The following CORO2B variants were observed in gnomAD, a reference collection of about 807,000 sequenced individuals.
CORO2B encodes coronin 2B.
Under a neutral mutation model 58.8 loss-of-function variants are expected in CORO2B, and 26 were observed. The ratio of observed to expected loss-of-function variants is 0.44; its 90% CI spans 0.32 to 0.61. CORO2B has a LOEUF of 0.61. Ranked by LOEUF, CORO2B falls within the 20% of genes least tolerant of loss-of-function variation. CORO2B has a pLI of 0.04. For missense variants in CORO2B, 460 were observed against 645.1 expected (o/e 0.71, Z 3.11); for synonymous variants, 242 against 253.8 (o/e 0.95, Z 0.44).
At chr15:68,569,615 C>T in the CORO2B span, among the ~76,000 whole-genome samples, 2 of 152,290 alleles carry the variant, frequency 1.3e-5, no homozygotes, top group East Asian at 1.9e-4. Context: ...TGCTGGTTTT[C>T]GTGTGGACAT....
the CORO2B span, among the ~76,000 whole-genome samples, chr15:68,536,733 A>C: frequency 0.95 from 144,317 of 152,366 alleles, 68,444 homozygotes; most frequent in East Asian, 1. Flanking sequence ...ATAAAAAGTC[A>C]ATTTCTCATT....
At chr15:68,521,789 A>C in the CORO2B span, among the ~76,000 whole-genome samples, 55 of 147,918 alleles carry the variant, frequency 3.7e-4, no homozygotes, top group East Asian at 0.01. Flanking sequence ...TCACTTTATC[A>C]CCCAGGCTGG....
chr15:68,548,187 A>G, the CORO2B span, among the ~76,000 whole-genome samples: 4 of 98,524 alleles, frequency 4.1e-5, no homozygotes, highest in East Asian at 3.9e-4. Context: ...ATATATATAT[A>G]TATGTGTGTG....
chr15:68,555,606 G>C, the CORO2B span, among the ~76,000 whole-genome samples: 1 of 152,216 alleles, frequency 6.6e-6, no homozygotes, highest in Admixed American at 6.5e-5. Context: ...GCTGGGAGAG[G>C]GGCCCAGGTT....
intron 3 of CORO2B, among the ~76,000 whole-genome samples, chr15:68,707,624 A>C (rs1215386343): frequency 6.6e-6 from 1 of 152,212 alleles, no homozygotes; most frequent in Non-Finnish European, 1.5e-5. Context: ...GAGAAAAGCA[A>C]GTTGAAAAAG....
intron 2 of CORO2B, among the ~76,000 whole-genome samples, chr15:68,681,890 C>A (rs1057272397): frequency 2.0e-5 from 3 of 152,196 alleles, no homozygotes; most frequent in Admixed American, 6.5e-5. Context: ...AACCCCAGTC[C>A]TCTTATGCAG....
intron 1 of CORO2B, among the ~76,000 whole-genome samples, chr15:68,587,081 CACACACACACACACA>C (rs1899583891): frequency 6.6e-6 from 1 of 150,466 alleles, no homozygotes; most frequent in African/African-American, 2.5e-5. Context: ...CACACACACA[CACACACACACACACA>C]ATTTTTTTCT....
the CORO2B span, among the ~76,000 whole-genome samples, chr15:68,555,460 A>G: frequency 6.6e-6 from 1 of 152,018 alleles, no homozygotes; most frequent in African/African-American, 2.4e-5. Flanking sequence ...CTTGCAAACC[A>G]CTGCTTACCC....
chr15:68,672,320 C>G (rs1390182104), intron 2 of CORO2B, among the ~76,000 whole-genome samples: 1 of 152,030 alleles, frequency 6.6e-6, no homozygotes, highest in Admixed American at 6.6e-5. Context: ...ACTGCAGCCT[C>G]AGTCTCCTGG....
chr15:68,705,255 T>G (rs1363039689), intron 3 of CORO2B, among the ~76,000 whole-genome samples: 1 of 152,050 alleles, frequency 6.6e-6, no homozygotes, highest in Non-Finnish European at 1.5e-5. Context: ...CTGGCCAACA[T>G]GGCGAAACCT....
rs369879199 is a variant in CORO2B at position 68,681,490 on chromosome 15, A to G, written c.217-13650A>G. 8.5e-5 allele frequency among the ~76,000 whole-genome samples: 13 copies of G among 152,310 alleles called. 1 individual carries two copies. The highest frequency in any genetic ancestry group is 3.1e-4 in the African/African-American group (13 of 41,564). ...AAGTTCTGTGTTTCTGTCAGAGAAGAAGTCTGGGAAAAGGTGGTCATCCAA... is the reference window on the plus strand; with the variant it reads ...AAGTTCTGTGTTTCTGTCAGAGAAGGAGTCTGGGAAAAGGTGGTCATCCAA... On this transcript the variant is annotated intron_variant, in intron 2 of 11. Transcript: ENST00000261861.
chr15:68,712,502 G>A (rs1220879166), intron 5 of CORO2B, among the ~76,000 whole-genome samples: 1 of 152,168 alleles, frequency 6.6e-6, no homozygotes, highest in Non-Finnish European at 1.5e-5. Flanking sequence ...GGGGATGTGG[G>A]AAGCTCAACT....
At chr15:68,661,536 A>T (rs560583627) in intron 2 of CORO2B, among the ~76,000 whole-genome samples, 1 of 152,312 alleles carries the variant, frequency 6.6e-6, no homozygotes, top group Admixed American at 6.5e-5. Flanking sequence ...AAGACTTGGG[A>T]GTTAGCAGCT....
the CORO2B span, among the ~76,000 whole-genome samples, chr15:68,568,377 C>G: frequency 2.6e-5 from 4 of 152,156 alleles, no homozygotes; most frequent in Middle Eastern, 3.4e-3. Context: ...TGCCTAGACA[C>G]AAGTGCTGGC....
intron 2 of CORO2B, among the ~76,000 whole-genome samples, chr15:68,677,765 C>A (rs1902636178): frequency 6.6e-6 from 1 of 152,162 alleles, no homozygotes; most frequent in African/African-American, 2.4e-5. Context: ...CTGCCCAGCC[C>A]CATTCTGTGT....
intron 1 of CORO2B, among the ~76,000 whole-genome samples, chr15:68,589,975 G>A (rs569969628): frequency 2.6e-5 from 4 of 152,146 alleles, no homozygotes; most frequent in Middle Eastern, 3.4e-3. Context: ...CGTGACCCCC[G>A]GCTCTCCCTC....
intron 1 of CORO2B, among the ~76,000 whole-genome samples, chr15:68,601,993 A>G (rs79502668): frequency 0.012 from 1,770 of 151,428 alleles, 10 homozygotes; most frequent in Non-Finnish European, 0.02. Flanking sequence ...CAGAAGGCCA[A>G]ACACGATGGG....
intron 3 of CORO2B, among the ~76,000 whole-genome samples, chr15:68,701,000 G>A (rs1462050407): frequency 2.0e-5 from 3 of 152,164 alleles, no homozygotes; most frequent in Non-Finnish European, 4.4e-5. Flanking sequence ...GGAGCTGGGG[G>A]CGGGATGGAC....
chr15:68,538,221 C>A, the CORO2B span, among the ~76,000 whole-genome samples: 1 of 152,114 alleles, frequency 6.6e-6, no homozygotes, highest in Non-Finnish European at 1.5e-5. Context: ...TTTTTCTCTG[C>A]CTCCCCTGAG....
Sources: allele counts gnomAD v4.1 joint callset (sites outside exome capture counted in the v4.1 genomes callset), GRCh38; gene constraint gnomAD v4.1.1; transcripts MANE v1.5; gene names NCBI Gene and HGNC (gene_info 2026-07-23, HGNC 2026-07-21).